Variants in SDK1 observed in about 807,000 individuals in gnomAD.
SDK1 encodes protein sidekick-1.
SDK1 carries 157 observed loss-of-function variants against 245.5 expected under a neutral mutation model. The observed-to-expected ratio is 0.64, with a 90% CI of 0.56 to 0.73. The LOEUF (loss-of-function observed/expected upper bound fraction) is 0.73, where lower values mean the gene tolerates loss of function less well. Among genes scored for constraint, SDK1 ranks in the 30% least tolerant of loss-of-function variants. The probability of loss-of-function intolerance (pLI) is 0.00; values close to 1 mark genes in which losing one functional copy is unlikely to be tolerated. For missense variants in SDK1, 3,583 were observed against 3,002.3 expected (o/e 1.19, Z -4.52); for synonymous variants, 1,647 against 1,278.5 (o/e 1.29, Z -6.15).
chr7:3,955,248 G>C (rs918898976), intron 7 of SDK1, among the ~76,000 whole-genome samples: 1 of 152,178 alleles, frequency 6.6e-6, no homozygotes, highest in Admixed American at 6.5e-5. Context: ...GCTGGCTCCT[G>C]GCCAGGGGTC....
intron 5 of SDK1, among the ~76,000 whole-genome samples, chr7:3,937,020 G>T (rs528184503): frequency 6.6e-6 from 1 of 152,302 alleles, no homozygotes; most frequent in East Asian, 1.9e-4. Flanking sequence ...TGGCTGCCTG[G>T]CCATGATCAT....
intron 5 of SDK1, among the ~76,000 whole-genome samples, chr7:3,883,080 G>T (rs1781246214): frequency 1.3e-5 from 2 of 152,192 alleles, no homozygotes; most frequent in Non-Finnish European, 2.9e-5. Flanking sequence ...GAGCTCAGAG[G>T]TTTTCTACTG....
At chr7:3,431,780 G>C (rs527588922) in intron 1 of SDK1, among the ~76,000 whole-genome samples, 12 of 152,240 alleles carry the variant, frequency 7.9e-5, no homozygotes, top group Non-Finnish European at 1.3e-4. Flanking sequence ...GTCTTCATAT[G>C]TAAAATGGGA....
At chr7:3,345,647 A>G (rs2128555947) in intron 1 of SDK1, among the ~76,000 whole-genome samples, 1 of 152,310 alleles carries the variant, frequency 6.6e-6, no homozygotes, top group South Asian at 2.1e-4. Context: ...TCAGAAACCC[A>G]AATTCCAGGA....
intron 4 of SDK1, among the ~76,000 whole-genome samples, chr7:3,701,924 C>CTAAAAAA (rs1784750962): frequency 1.2e-5 from 1 of 85,682 alleles, no homozygotes; most frequent in African/African-American, 3.6e-5. Context: ...CGTGCATAAG[C>CTAAAAAA]AAAAAAAAAA....
chr7:3,651,666 C>A (rs1350801132), intron 4 of SDK1, among the ~76,000 whole-genome samples: 2 of 152,110 alleles, frequency 1.3e-5, no homozygotes, highest in African/African-American at 2.4e-5. Context: ...CTTCACAGTC[C>A]AGAAGCAGAA....
At chr7:3,885,728 T>C (rs1781322209) in intron 5 of SDK1, among the ~76,000 whole-genome samples, 1 of 152,220 alleles carries the variant, frequency 6.6e-6, no homozygotes, top group Non-Finnish European at 1.5e-5. Context: ...GCCTACTTTA[T>C]TTCCTGTGAT....
intron 32 of SDK1, among the ~76,000 whole-genome samples, chr7:4,170,722 G>A (rs768831510): frequency 6.6e-6 from 1 of 152,104 alleles, no homozygotes; most frequent in Non-Finnish European, 1.5e-5. Context: ...GACTCCACAG[G>A]GAGGAAACCG....
chr7:4,159,033 G>T (rs1203846033), intron 31 of SDK1, among the ~76,000 whole-genome samples: 2 of 152,210 alleles, frequency 1.3e-5, no homozygotes, highest in Non-Finnish European at 2.9e-5. Context: ...GCCCAGGCCT[G>T]TGGCGAGCCC....
At chr7:4,048,005 G>A (rs1421954046) in intron 17 of SDK1, among the ~76,000 whole-genome samples, 1 of 152,158 alleles carries the variant, frequency 6.6e-6, no homozygotes, top group African/African-American at 2.4e-5. Flanking sequence ...GACCAGCAGT[G>A]GATGGGGACA....
chr7:3,968,004 C>T (rs1340204875), intron 10 of SDK1, among the ~76,000 whole-genome samples: 1 of 152,226 alleles, frequency 6.6e-6, no homozygotes, highest in African/African-American at 2.4e-5. Flanking sequence ...GTGCAAATGT[C>T]ACTCTTCTCT....
intron 4 of SDK1, among the ~76,000 whole-genome samples, chr7:3,812,446 G>A (rs895955882): frequency 7.9e-5 from 12 of 152,210 alleles, no homozygotes; most frequent in East Asian, 5.8e-4. Flanking sequence ...ACTTACCACC[G>A]CTTGGGTCTA....
At chr7:3,549,133 G>A (rs567291433) in intron 1 of SDK1, among the ~76,000 whole-genome samples, 7 of 152,342 alleles carry the variant, frequency 4.6e-5, no homozygotes, top group Non-Finnish European at 1.0e-4. Flanking sequence ...AAAATGAGCT[G>A]TGTGAAGGCT....
chr7:3,483,568 G>A (rs1781583390), intron 1 of SDK1, among the ~76,000 whole-genome samples: 1 of 152,018 alleles, frequency 6.6e-6, no homozygotes, highest in South Asian at 2.1e-4. Flanking sequence ...TGCAATCCCT[G>A]CACCACTACA....
At chr7:3,544,748 C>T (rs1278915633) in intron 1 of SDK1, among the ~76,000 whole-genome samples, 5 of 152,160 alleles carry the variant, frequency 3.3e-5, no homozygotes, top group Non-Finnish European at 5.9e-5. Flanking sequence ...GGTTATGCTA[C>T]AGCACTTACC....
intron 22 of SDK1, among the ~76,000 whole-genome samples, chr7:4,102,979 C>T (rs947247640): frequency 2.8e-5 from 4 of 145,026 alleles, no homozygotes; most frequent in Non-Finnish European, 6.0e-5. Flanking sequence ...AAAAAAAAGC[C>T]GTTCAAAATC....
Position 4,049,358 on chromosome 7 carries a change from G to T in SDK1, c.2613G>T (p.Ala871=), listed in dbSNP as rs143539228. 1.2e-6 allele frequency: 2 copies of T among 1,613,620 alleles called. No homozygotes were observed. Among genetic ancestry groups the T allele is most frequent in the East Asian group, 2.2e-5 (1 of 44,888 alleles). ...ACTGCCCTGCCACAGTGCCCACCGCGCCCCCGCAGAACGTGCAGACGGAAG... is the reference window on the plus strand; with the variant it reads ...ACTGCCCTGCCACAGTGCCCACCGCTCCCCCGCAGAACGTGCAGACGGAAG... The part of the protein sequence containing the change: ...TEYTLQGVPT[A]PPQNVQTEAV... Residue 871 remains alanine (A), a synonymous_variant, in exon 18 of 45, where the codon GCG becomes GCT. Transcript: ENST00000404826.
chr7:3,764,989 G>A (rs1393611546), intron 4 of SDK1, among the ~76,000 whole-genome samples: 1 of 152,006 alleles, frequency 6.6e-6, no homozygotes, highest in African/African-American at 2.4e-5. Context: ...AATGAATTAT[G>A]AATCTCAAGT....
At chr7:3,442,906 C>A (rs563873315) in intron 1 of SDK1, among the ~76,000 whole-genome samples, 1 of 152,214 alleles carries the variant, frequency 6.6e-6, no homozygotes, top group African/African-American at 2.4e-5. Context: ...TTGATCTTTT[C>A]GTTTTGCCCC....
Sources: allele counts gnomAD v4.1 joint callset (sites outside exome capture counted in the v4.1 genomes callset), GRCh38; gene constraint gnomAD v4.1.1; transcripts MANE v1.5; gene names NCBI Gene and HGNC (gene_info 2026-07-23, HGNC 2026-07-21).